Variants in CPSF4L observed in about 807,000 individuals in gnomAD.
The protein encoded by CPSF4L is putative cleavage and polyadenylation specificity factor subunit 4-like protein.
Under a neutral mutation model 24.0 loss-of-function variants are expected in CPSF4L, and 18 were observed. That is an observed-to-expected ratio of 0.75 (90% confidence interval 0.52 to 1.11). The LOEUF (loss-of-function observed/expected upper bound fraction) is 1.11, where lower values mean the gene tolerates loss of function less well. Ranked by LOEUF, CPSF4L falls within the 50% of genes least tolerant of loss-of-function variation. The pLI, the probability that CPSF4L is intolerant of heterozygous loss-of-function variation, is 0.00. For synonymous variants in CPSF4L, 72 were observed against 77.2 expected, an observed-to-expected ratio of 0.93 and a Z score of 0.35; for missense variants, 211 against 221.8, an observed-to-expected ratio of 0.95 and a Z score of 0.31.
At chr17:73,262,792 C>A (rs952637828), upstream of CPSF4L, among the ~76,000 whole-genome samples, 1 of 152,166 alleles carries the variant, frequency 6.6e-6, no homozygotes, top group Non-Finnish European at 1.5e-5. Context: ...GAACCAGAAC[C>A]CATACGCCCT....
chr17:73,261,912 A>G (rs2062048261), upstream of CPSF4L: 3 of 891,178 alleles, frequency 3.4e-6, no homozygotes, highest in African/African-American at 1.7e-5. Flanking sequence ...CCAGCGCCCA[A>G]TGCCTCCCCC....
downstream of CPSF4L, chr17:73,245,183 G>A (rs150601360): frequency 2.2e-4 from 348 of 1,573,208 alleles, 1 homozygote; most frequent in African/African-American, 3.0e-3. Flanking sequence ...CAGCGGTGGC[G>A]TAAGTAGTGT....
At chr17:73,243,093 T>TTTTGGTTTTTTTTTG in the CPSF4L span, 270 of 991,294 alleles carry the variant, frequency 2.7e-4, no homozygotes, top group African/African-American at 4.0e-3. Context: ...TTTTTTTTTT[T>TTTTGGTTTTTTTTTG]TTTTTTTTAC....
upstream of CPSF4L, among the ~76,000 whole-genome samples, chr17:73,262,851 G>T (rs879733943): frequency 6.6e-6 from 1 of 152,152 alleles, no homozygotes; most frequent in Admixed American, 6.5e-5. Flanking sequence ...AGCCCCGCAG[G>T]CTCTCAGCTG....
chr17:73,261,993 C>T, upstream of CPSF4L: 1 of 599,960 alleles, frequency 1.7e-6, no homozygotes, highest in East Asian at 2.8e-5. Flanking sequence ...GGAGCAGGGC[C>T]CAGCTGCCTC....
chr17:73,254,077 C>G (rs1428724782), intron 3 of CPSF4L, 51 bp from the exon 4 acceptor site: 20 of 1,397,430 alleles, frequency 1.4e-5, no homozygotes, highest in South Asian at 9.9e-5. Context: ...GTGATCACTT[C>G]TGTGTCCCCA....
chr17:73,245,281 T>C (rs149571850), downstream of CPSF4L: 46 of 1,520,418 alleles, frequency 3.0e-5, no homozygotes, highest in African/African-American at 6.0e-4. Flanking sequence ...TAAAAATGTA[T>C]AATATTTGGG....
At chr17:73,247,201 C>T (rs775043285), downstream of CPSF4L, 10 of 1,576,748 alleles carry the variant, frequency 6.3e-6, no homozygotes, top group Non-Finnish European at 8.7e-6. Flanking sequence ...AAACCATATG[C>T]CCTGAAAAGC....
chr17:73,249,368 T>C (rs2061992775), intron 5 of CPSF4L, among the ~76,000 whole-genome samples: 1 of 152,188 alleles, frequency 6.6e-6, no homozygotes, highest in Non-Finnish European at 1.5e-5. Context: ...GTAGGTGCTA[T>C]CCTGCTCATT....
downstream of CPSF4L, among the ~76,000 whole-genome samples, chr17:73,246,345 A>G (rs1461088176): frequency 6.6e-6 from 1 of 152,084 alleles, no homozygotes; most frequent in Non-Finnish European, 1.5e-5. Flanking sequence ...CAGCCTGTGC[A>G]ATGTGGTGAA....
the CPSF4L span, chr17:73,243,124 G>A: frequency 1.1e-5 from 8 of 756,900 alleles, no homozygotes; most frequent in Non-Finnish European, 6.6e-6. Flanking sequence ...TATCTGGCAT[G>A]CCCTGGTGAA....
chr17:73,257,346 C>T (rs764578363), intron 3 of CPSF4L, among the ~76,000 whole-genome samples: 10 of 151,800 alleles, frequency 6.6e-5, no homozygotes, highest in Non-Finnish European at 1.2e-4. Context: ...AAGTTCTAGC[C>T]GGGGCCTGAG....
the CPSF4L span, chr17:73,243,149 G>A: frequency 1.4e-6 from 1 of 709,458 alleles, no homozygotes; most frequent in Non-Finnish European, 2.5e-6. Flanking sequence ...CTATTGCCTG[G>A]GGTTTCTGGG....
chr17:73,250,075 G>A, intron 5 of CPSF4L: 1 of 533,394 alleles, frequency 1.9e-6, no homozygotes, highest in South Asian at 3.9e-5. Flanking sequence ...TGTATTTTTA[G>A]TAGCTCGTTC....
intron 3 of CPSF4L, among the ~76,000 whole-genome samples, chr17:73,255,654 C>T (rs995536803): frequency 1.3e-5 from 2 of 152,154 alleles, no homozygotes; most frequent in Non-Finnish European, 1.5e-5. Context: ...TCAGCTTCCT[C>T]ACGTTCATGA....
downstream of CPSF4L, chr17:73,245,248 A>T (rs139617472): frequency 4.4e-6 from 7 of 1,605,072 alleles, no homozygotes; most frequent in African/African-American, 9.4e-5. Context: ...AGTGGAGACG[A>T]CTGCAATACA....
the CPSF4L span, chr17:73,242,314 C>A: frequency 3.7e-6 from 6 of 1,605,368 alleles, no homozygotes; most frequent in East Asian, 1.4e-4. Context: ...CAACCTCCAA[C>A]TTCTCTCTAA....
At chr17:73,242,772 T>C in the CPSF4L span, 5 of 676,260 alleles carry the variant, frequency 7.4e-6, no homozygotes, top group Non-Finnish European at 1.3e-5. Context: ...GTTTAAAATA[T>C]GTGCGTGTAA....
chr17:73,253,847 A>G, intron 4 of CPSF4L, 84 bp downstream of exon 4: 1 of 838,464 alleles, frequency 1.2e-6, no homozygotes, highest in East Asian at 2.7e-5. Flanking sequence ...GCACAGCCTC[A>G]TCAGGAAAAT....
Sources: gnomAD v4.1 joint callset for allele counts (sites outside exome capture counted in the v4.1 genomes callset) on GRCh38, gnomAD v4.1.1 for gene constraint, MANE v1.5 for transcripts, NCBI Gene and HGNC (gene_info 2026-07-23, HGNC 2026-07-21) for gene names.